VPS53: variants seen among roughly 807,000 people sequenced by gnomAD.
VPS53 encodes vacuolar protein sorting-associated protein 53 homolog.
In VPS53, 70 loss-of-function variants were observed where a neutral mutation model predicts 107.0. The ratio of observed to expected loss-of-function variants is 0.65; its 90% CI spans 0.54 to 0.80. The LOEUF (loss-of-function observed/expected upper bound fraction) is 0.80, where lower values mean the gene tolerates loss of function less well. VPS53 is among the 30% of genes least tolerant of loss of function. VPS53 has a pLI of 0.00. For synonymous variants in VPS53, 409 were observed against 393.3 expected (o/e 1.04, Z -0.47); for missense variants, 917 against 1,049.4 (o/e 0.87, Z 1.74).
chr17:666,619 G>A (rs547854403), intron 4 of VPS53, among the ~76,000 whole-genome samples: 7 of 152,192 alleles, frequency 4.6e-5, no homozygotes, highest in African/African-American at 1.4e-4. Flanking sequence ...AGCCAAGATC[G>A]TGCCACTGCA....
At chr17:602,779 G>C (rs2143008750) in intron 11 of VPS53, among the ~76,000 whole-genome samples, 2 of 152,364 alleles carry the variant, frequency 1.3e-5, no homozygotes, top group Middle Eastern at 6.8e-3. Context: ...GTTAATTCCA[G>C]TACAACTACA....
At chr17:599,719 C>G (rs1472526913) in intron 12 of VPS53, among the ~76,000 whole-genome samples, 1 of 149,970 alleles carries the variant, frequency 6.7e-6, no homozygotes, top group Non-Finnish European at 1.5e-5. Flanking sequence ...CCAAATCCCC[C>G]TCTGTGAGAA....
chr17:573,240 G>C (rs1317884374), intron 13 of VPS53, among the ~76,000 whole-genome samples: 4 of 152,152 alleles, frequency 2.6e-5, no homozygotes, highest in African/African-American at 2.4e-5. Context: ...TCTTTTGCAA[G>C]AGTCAGCCAG....
chr17:639,281 G>A (rs767093294), intron 7 of VPS53, among the ~76,000 whole-genome samples: 2 of 152,122 alleles, frequency 1.3e-5, no homozygotes, highest in Non-Finnish European at 2.9e-5. Flanking sequence ...GTCATTTAAG[G>A]ACTTCTCTAG....
At chr17:563,931 A>G (rs1350695579) in intron 13 of VPS53, among the ~76,000 whole-genome samples, 1 of 152,266 alleles carries the variant, frequency 6.6e-6, no homozygotes, top group Admixed American at 6.5e-5. Context: ...TTCCAGAATC[A>G]AAGGTTTAAA....
chr17:556,176 G>T (rs982033460), intron 15 of VPS53, among the ~76,000 whole-genome samples: 4 of 152,116 alleles, frequency 2.6e-5, no homozygotes, highest in African/African-American at 7.2e-5. Context: ...TGTAGTCCCA[G>T]CCACTTGGGA....
chr17:696,470 A>G (rs1022046362), intron 4 of VPS53, among the ~76,000 whole-genome samples: 2 of 152,234 alleles, frequency 1.3e-5, no homozygotes, highest in Non-Finnish European at 2.9e-5. Flanking sequence ...GCATTGAAGC[A>G]ATTGCAAAGA....
rs192779787 is a variant in VPS53 at position 666,577 on chromosome 17, T to C, written c.286-4682A>G. On this transcript the variant is annotated intron_variant, in intron 4 of 21. Transcript: ENST00000437048. ...TACTCAGGAGGCTGAGACAGGATAA[T>C]CGCGTGAACCCAGGAGGCAGAGGTT... Among the ~76,000 whole-genome samples the C allele has an allele frequency of 6.5e-3, 993 of 152,038 alleles. 4 individuals carry two copies. Among genetic ancestry groups the C allele is most frequent in the Non-Finnish European group, 9.5e-3 (643 of 67,982 alleles).
chr17:620,904 G>C (rs116195134), intron 11 of VPS53, among the ~76,000 whole-genome samples: 2,119 of 152,022 alleles, frequency 0.014, 40 homozygotes, highest in African/African-American at 0.048. Flanking sequence ...CACCGCACCC[G>C]GCCTCTACAT....
chr17:593,990 T>G (rs76257494), intron 12 of VPS53, among the ~76,000 whole-genome samples: 1 of 152,196 alleles, frequency 6.6e-6, no homozygotes, highest in Non-Finnish European at 1.5e-5. Context: ...TAAAAAATGA[T>G]GAGTTCGCGT....
intron 4 of VPS53, among the ~76,000 whole-genome samples, chr17:696,279 A>G (rs1972956057): frequency 6.6e-6 from 1 of 152,240 alleles, no homozygotes; most frequent in Non-Finnish European, 1.5e-5. Flanking sequence ...TGGGAAAACT[A>G]CAGATGTAAA....
intron 6 of VPS53, 93 bp downstream of exon 6, chr17:655,745 C>A: frequency 8.2e-7 from 1 of 1,218,098 alleles, no homozygotes; most frequent in South Asian, 1.6e-5. Flanking sequence ...GATGGTGAGA[C>A]TTTCCTGGCT....
intron 1 of VPS53, among the ~76,000 whole-genome samples, chr17:712,367 G>C (rs1203576257): frequency 6.6e-6 from 1 of 150,902 alleles, no homozygotes; most frequent in East Asian, 2.0e-4. Flanking sequence ...TTTTAGGAGA[G>C]ACGGGGTTTC....
At chr17:631,095 G>A (rs1350877296) in intron 8 of VPS53, among the ~76,000 whole-genome samples, 2 of 152,038 alleles carry the variant, frequency 1.3e-5, no homozygotes, top group Non-Finnish European at 2.9e-5. Flanking sequence ...ATTCCGAAGA[G>A]CAGGCTTATG....
At chr17:552,161 G>C (rs373761248) in intron 16 of VPS53, among the ~76,000 whole-genome samples, 1 of 152,012 alleles carries the variant, frequency 6.6e-6, no homozygotes, top group South Asian at 2.1e-4. Context: ...AGAATCCCAC[G>C]GTCAGTCTCC....
chr17:584,056 A>G (rs1967190731), intron 13 of VPS53, among the ~76,000 whole-genome samples: 1 of 152,156 alleles, frequency 6.6e-6, no homozygotes, highest in African/African-American at 2.4e-5. Flanking sequence ...AAGCTCCCTC[A>G]GAACCCAATG....
At chr17:522,769 A>G (rs1285603967) in intron 19 of VPS53, among the ~76,000 whole-genome samples, 2 of 152,220 alleles carry the variant, frequency 1.3e-5, no homozygotes, top group Non-Finnish European at 2.9e-5. Flanking sequence ...AATTATCTAG[A>G]AGGACACCCA....
chr17:639,385 G>A (rs940225091), intron 7 of VPS53, among the ~76,000 whole-genome samples: 1 of 152,162 alleles, frequency 6.6e-6, no homozygotes, highest in Non-Finnish European at 1.5e-5. Context: ...GCTCAGAGAA[G>A]TTTGATCGTC....
chr17:531,843 C>G (rs971251456), intron 19 of VPS53: 1 of 131,434 alleles, frequency 7.6e-6, no homozygotes, highest in African/African-American at 3.0e-5. Context: ...GTGGCGTGAT[C>G]TGAGCTCACT....
Sources: gnomAD v4.1 joint callset for allele counts (sites outside exome capture counted in the v4.1 genomes callset) on GRCh38, gnomAD v4.1.1 for gene constraint, MANE v1.5 for transcripts, NCBI Gene and HGNC (gene_info 2026-07-23, HGNC 2026-07-21) for gene names.